The following SGCZ variants were observed in gnomAD, a reference collection of about 807,000 sequenced individuals.
The protein encoded by SGCZ is zeta-sarcoglycan.
SGCZ carries 40 observed loss-of-function variants against 41.3 expected under a neutral mutation model. That is an observed-to-expected ratio of 0.97 (90% CI 0.75 to 1.26). The LOEUF (loss-of-function observed/expected upper bound fraction) is 1.26, where lower values mean the gene tolerates loss of function less well. SGCZ is among the 50% of genes most tolerant of loss of function. The pLI is 0.00. For synonymous variants in SGCZ, 206 were observed against 137.5 expected (o/e 1.50, Z -3.49); for missense variants, 552 against 369.8 (o/e 1.49, Z -4.04).
chr8:15,133,896 G>C (rs1808009814), intron 1 of SGCZ, among the ~76,000 whole-genome samples: 1 of 152,088 alleles, frequency 6.6e-6, no homozygotes, highest in African/African-American at 2.4e-5. Flanking sequence ...TTTGAGGGAA[G>C]TCTATTTTTC....
intron 1 of SGCZ, among the ~76,000 whole-genome samples, chr8:14,610,538 A>C (rs1369551794): frequency 2.6e-5 from 4 of 152,122 alleles, no homozygotes; most frequent in Non-Finnish European, 5.9e-5. Flanking sequence ...GTGTCACATA[A>C]AACTCATCTT....
At chr8:14,726,342 A>ATATATATATATATATATATAT (rs1810056850) in intron 1 of SGCZ, among the ~76,000 whole-genome samples, 1 of 144,610 alleles carries the variant, frequency 6.9e-6, no homozygotes, top group Non-Finnish European at 1.5e-5. Context: ...ATATATATAT[A>ATATATATATATATATATATAT]AAATTAGATA....
At chr8:14,715,423 C>G (rs977120744) in intron 1 of SGCZ, among the ~76,000 whole-genome samples, 11 of 152,038 alleles carry the variant, frequency 7.2e-5, no homozygotes, top group African/African-American at 2.7e-4. Context: ...TGTAAATTCA[C>G]AAAGGTATCT....
At chr8:14,783,108 A>G (rs1404802320) in intron 1 of SGCZ, among the ~76,000 whole-genome samples, 1 of 152,186 alleles carries the variant, frequency 6.6e-6, no homozygotes, top group Non-Finnish European at 1.5e-5. Flanking sequence ...AATTGCAAAT[A>G]AAATAAATTA....
chr8:14,321,360 C>A (rs1419834813), intron 3 of SGCZ, among the ~76,000 whole-genome samples: 1 of 151,952 alleles, frequency 6.6e-6, no homozygotes, highest in Admixed American at 6.6e-5. Context: ...ATCATAGAAC[C>A]TTAAAAGTCT....
chr8:15,159,213 A>C (rs1365385131), intron 1 of SGCZ, among the ~76,000 whole-genome samples: 1 of 152,230 alleles, frequency 6.6e-6, no homozygotes, highest in East Asian at 1.9e-4. Flanking sequence ...TAGATAGCTG[A>C]ACACATGTAG....
intron 1 of SGCZ, among the ~76,000 whole-genome samples, chr8:14,714,872 TG>T (rs1809637208): frequency 6.6e-6 from 1 of 152,120 alleles, no homozygotes; most frequent in South Asian, 2.1e-4. Context: ...AATGCGGGGA[TG>T]TTTTTTTCAG....
rs573271359 is a variant in SGCZ at position 14,276,369 on chromosome 8, T to G, written c.337-38690A>C. Among the ~76,000 whole-genome samples the G allele has an allele frequency of 5.9e-5, 9 of 152,252 alleles. No homozygotes were observed. In the South Asian group the frequency reaches 8.3e-4, roughly 14 times the overall value. On this transcript the variant is annotated intron_variant, in intron 3 of 7. Transcript: ENST00000382080. ...CATTCTCATTGCTTAGCATGGTGACTGAAACAGAGCAGACATTCGATATCA... is the reference window on the plus strand; with the variant it reads ...CATTCTCATTGCTTAGCATGGTGACGGAAACAGAGCAGACATTCGATATCA...
rs140649525 is a variant in SGCZ, at chr8:14,634,063, T to C, written c.40-79137A>G. ...AGACAGAATTTAAGTCAAGATAATA[T>C]GTAATTTCACATTTTATATAATTTT... On this transcript the variant is annotated intron_variant, in intron 1 of 7. Transcript: ENST00000382080. 8.8e-3 allele frequency among the ~76,000 whole-genome samples: 1,338 copies of C among 152,010 alleles called. 19 individuals are homozygous for C. The highest frequency in any genetic ancestry group is 0.031 in the African/African-American group (1,268 of 41,556).
chr8:15,141,441 T>G (rs944260824), intron 1 of SGCZ, among the ~76,000 whole-genome samples: 13 of 152,240 alleles, frequency 8.5e-5, no homozygotes, highest in African/African-American at 2.7e-4. Flanking sequence ...ATTTATGTTT[T>G]AAAAAGATGT....
At chr8:14,572,257 TA>T (rs1387806011) in intron 1 of SGCZ, among the ~76,000 whole-genome samples, 1 of 152,198 alleles carries the variant, frequency 6.6e-6, no homozygotes, top group African/African-American at 2.4e-5. Context: ...CATTCCTTTA[TA>T]ATCTGAAAAT....
At chr8:14,326,082 A>T (rs891990901) in intron 2 of SGCZ, among the ~76,000 whole-genome samples, 1 of 130,466 alleles carries the variant, frequency 7.7e-6, no homozygotes. Context: ...ACTGAACTCC[A>T]GCCTGGGCGA....
intron 1 of SGCZ, among the ~76,000 whole-genome samples, chr8:14,561,716 G>A (rs1001761433): frequency 3.9e-5 from 6 of 152,006 alleles, no homozygotes; most frequent in African/African-American, 1.4e-4. Flanking sequence ...TACTTTAAAT[G>A]CATTTACTTG....
At chr8:14,100,810 C>G (rs957268844) in intron 7 of SGCZ, among the ~76,000 whole-genome samples, 1 of 151,600 alleles carries the variant, frequency 6.6e-6, no homozygotes, top group African/African-American at 2.4e-5. Context: ...AAATTATGAC[C>G]TCATCATTAT....
intron 1 of SGCZ, among the ~76,000 whole-genome samples, chr8:14,742,214 C>G (rs1443917565): frequency 6.6e-6 from 1 of 152,012 alleles, no homozygotes; most frequent in Non-Finnish European, 1.5e-5. Context: ...GTCTAATGAT[C>G]CATCTGTGCA....
chr8:14,479,778 A>G (rs376504210), intron 2 of SGCZ, among the ~76,000 whole-genome samples: 84 of 119,752 alleles, frequency 7.0e-4, no homozygotes, highest in Non-Finnish European at 4.3e-4. Context: ...GATGGAGTTT[A>G]GCTCTTGCAG....
intron 1 of SGCZ, among the ~76,000 whole-genome samples, chr8:14,640,357 C>T (rs535573265): frequency 1.3e-5 from 2 of 151,714 alleles, no homozygotes; most frequent in South Asian, 2.1e-4. Context: ...TTGAAGATAT[C>T]GTTATCCTGT....
At chr8:14,956,029 A>G (rs911964507) in intron 1 of SGCZ, among the ~76,000 whole-genome samples, 2 of 140,748 alleles carry the variant, frequency 1.4e-5, no homozygotes, top group Non-Finnish European at 1.5e-5. Context: ...TAGGTAGGAC[A>G]CTACTTTTAC....
intron 5 of SGCZ, among the ~76,000 whole-genome samples, chr8:14,145,870 A>C (rs1563152406): frequency 1.3e-5 from 2 of 152,200 alleles, no homozygotes; most frequent in Non-Finnish European, 2.9e-5. Context: ...AATTAGCTCT[A>C]AGACAGGCTA....
Sources: allele counts gnomAD v4.1 joint callset (sites outside exome capture counted in the v4.1 genomes callset), GRCh38; gene constraint gnomAD v4.1.1; transcripts MANE v1.5; gene names NCBI Gene and HGNC (gene_info 2026-07-23, HGNC 2026-07-21).